TEAD1: variants seen among roughly 807,000 people sequenced by gnomAD.
TEAD1 encodes the protein TEA domain transcription factor 1.
In TEAD1, 9 loss-of-function variants were observed where a neutral mutation model predicts 54.9. That is an observed-to-expected ratio of 0.16 (90% CI 0.10 to 0.29). The LOEUF is 0.29. TEAD1 is among the 10% of genes least tolerant of loss of function. The pLI, the probability that TEAD1 is intolerant of heterozygous loss-of-function variation, is 1.00. For missense variants in TEAD1, 387 were observed against 535.9 expected (o/e 0.72, Z 2.74); for synonymous variants, 200 against 187.8 (o/e 1.07, Z -0.53).
chr11:12,820,499 A>G (rs555991489), intron 3 of TEAD1, among the ~76,000 whole-genome samples: 133 of 152,310 alleles, frequency 8.7e-4, no homozygotes, highest in African/African-American at 3.1e-3. Flanking sequence ...CAGGTCAGAC[A>G]TGTCACGGAG....
chr11:12,924,016 G>A (rs892124233), intron 10 of TEAD1, among the ~76,000 whole-genome samples: 2 of 152,166 alleles, frequency 1.3e-5, no homozygotes, highest in African/African-American at 4.8e-5. Flanking sequence ...TCCTTGGCAC[G>A]CAGGCTTTCA....
intron 2 of TEAD1, among the ~76,000 whole-genome samples, chr11:12,680,459 A>G (rs901456206): frequency 2.0e-5 from 3 of 152,236 alleles, no homozygotes; most frequent in African/African-American, 7.2e-5. Flanking sequence ...AAAGGAGCCA[A>G]GTGTTTTAAA....
intron 2 of TEAD1, among the ~76,000 whole-genome samples, chr11:12,684,194 A>C (rs1035428302): frequency 6.6e-6 from 1 of 152,206 alleles, no homozygotes; most frequent in African/African-American, 2.4e-5. Flanking sequence ...TTGACCATTA[A>C]TCGCTTTGAA....
intron 9 of TEAD1, among the ~76,000 whole-genome samples, chr11:12,900,835 A>G (rs1948414379): frequency 6.6e-6 from 1 of 152,160 alleles, no homozygotes; most frequent in South Asian, 2.1e-4. Context: ...CTGCTAGATA[A>G]AGAAGGCGGA....
intron 5 of TEAD1, chr11:12,878,917 A>G: frequency 7.8e-7 from 1 of 1,286,976 alleles, no homozygotes; most frequent in Non-Finnish European, 1.0e-6. Flanking sequence ...ATTTTCACCA[A>G]ACTGAGTATT....
At chr11:12,877,951 C>T (rs1458272537) in intron 5 of TEAD1, among the ~76,000 whole-genome samples, 3 of 151,494 alleles carry the variant, frequency 2.0e-5, no homozygotes, top group South Asian at 2.1e-4. Context: ...AAGTACACCA[C>T]CACACCTGGC....
intron 9 of TEAD1, among the ~76,000 whole-genome samples, chr11:12,899,423 C>T (rs1449180493): frequency 1.3e-5 from 2 of 152,108 alleles, no homozygotes; most frequent in African/African-American, 4.8e-5. Context: ...CCCACTGAGA[C>T]TAGAAAGACT....
intron 3 of TEAD1, among the ~76,000 whole-genome samples, chr11:12,765,363 CAG>C (rs1421804583): frequency 6.6e-6 from 1 of 152,166 alleles, no homozygotes; most frequent in East Asian, 1.9e-4. Flanking sequence ...GTTGAGTTGA[CAG>C]AGTTCGCACT....
chr11:12,912,084 A>G (rs1216917197), intron 10 of TEAD1, among the ~76,000 whole-genome samples: 4 of 152,160 alleles, frequency 2.6e-5, no homozygotes, highest in Non-Finnish European at 5.9e-5. Flanking sequence ...TTGTTGAGGA[A>G]TCATCCGCAA....
At chr11:12,744,327 A>G (rs1195666817) in intron 2 of TEAD1, among the ~76,000 whole-genome samples, 1 of 152,214 alleles carries the variant, frequency 6.6e-6, no homozygotes, top group African/African-American at 2.4e-5. Flanking sequence ...GATTACAAGG[A>G]TGTTTGCTAC....
chr11:12,861,861 C>T (rs1412736929), intron 3 of TEAD1, among the ~76,000 whole-genome samples: 3 of 152,190 alleles, frequency 2.0e-5, no homozygotes, highest in African/African-American at 4.8e-5. Context: ...TGGCGCACGC[C>T]TGTAATCCCA....
At chr11:12,884,045 A>T (rs1181033584) in intron 9 of TEAD1, among the ~76,000 whole-genome samples, 1 of 151,694 alleles carries the variant, frequency 6.6e-6, no homozygotes, top group East Asian at 1.9e-4. Context: ...GCAGTTTGCC[A>T]TAGAGTGCAG....
intron 10 of TEAD1, among the ~76,000 whole-genome samples, chr11:12,908,857 A>G (rs950623031): frequency 2.1e-5 from 3 of 146,066 alleles, no homozygotes; most frequent in East Asian, 2.0e-4. Context: ...CATGTTAGCT[A>G]TATGTCAGTA....
At chr11:12,721,251 C>G (rs147086625) in intron 2 of TEAD1, among the ~76,000 whole-genome samples, 82 of 152,282 alleles carry the variant, frequency 5.4e-4, no homozygotes, top group African/African-American at 1.8e-3. Context: ...TCCCTTCTTG[C>G]GTTCTTGTTC....
intron 12 of TEAD1, among the ~76,000 whole-genome samples, chr11:12,935,799 G>A (rs1314803715): frequency 8.5e-5 from 13 of 152,164 alleles, no homozygotes; most frequent in Non-Finnish European, 1.9e-4. Flanking sequence ...ATGTCCTCAA[G>A]CTAGTTGCTG....
chr11:12,777,606 G>T (rs528946615), intron 3 of TEAD1, among the ~76,000 whole-genome samples: 2 of 152,314 alleles, frequency 1.3e-5, no homozygotes, highest in East Asian at 3.9e-4. Context: ...ATATTTGATT[G>T]TCAGTAAAAT....
At chr11:12,723,037 A>T (rs1465108960) in intron 2 of TEAD1, among the ~76,000 whole-genome samples, 12 of 149,968 alleles carry the variant, frequency 8.0e-5, no homozygotes, top group Non-Finnish European at 1.8e-4. Flanking sequence ...CCTTGTGCTT[A>T]TTGTGGATTT....
At chr11:12,836,834 C>T (rs1051179709) in intron 3 of TEAD1, among the ~76,000 whole-genome samples, 3 of 152,072 alleles carry the variant, frequency 2.0e-5, no homozygotes, top group Non-Finnish European at 2.9e-5. Context: ...GGGTAAAAGT[C>T]GGAGAGTAAT....
chr11:12,697,694 G>A (rs1398838194), intron 2 of TEAD1, among the ~76,000 whole-genome samples: 1 of 152,174 alleles, frequency 6.6e-6, no homozygotes, highest in Non-Finnish European at 1.5e-5. Flanking sequence ...TAAATTGAGA[G>A]GGGTACAGTG....
Sources: gnomAD v4.1 joint callset for allele counts (sites outside exome capture counted in the v4.1 genomes callset) on GRCh38, gnomAD v4.1.1 for gene constraint, MANE v1.5 for transcripts, NCBI Gene and HGNC (gene_info 2026-07-23, HGNC 2026-07-21) for gene names.